SPMIP11: variants seen among roughly 807,000 people sequenced by gnomAD.
SPMIP11 encodes the protein sperm microtubule inner protein 11.
the SPMIP11 span, among the ~76,000 whole-genome samples, chr12:48,770,301 A>G: frequency 6.6e-6 from 1 of 152,158 alleles, no homozygotes; most frequent in Admixed American, 6.5e-5. Context: ...GACTTCTCAA[A>G]TAAGCCAGTA....
chr12:48,760,171 A>G, the SPMIP11 span, among the ~76,000 whole-genome samples: 1 of 151,454 alleles, frequency 6.6e-6, no homozygotes, highest in Non-Finnish European at 1.5e-5. Context: ...TTGATGTTTC[A>G]CCTTTTCTTT....
At chr12:48,768,661 C>T in the SPMIP11 span, 5 of 1,614,050 alleles carry the variant, frequency 3.1e-6, no homozygotes, top group African/African-American at 1.3e-5. Flanking sequence ...GACCACCCCT[C>T]GACACTCCAG....
chr12:48,764,555 C>T, the SPMIP11 span, among the ~76,000 whole-genome samples: 1 of 152,142 alleles, frequency 6.6e-6, no homozygotes, highest in African/African-American at 2.4e-5. Context: ...TTACACATTT[C>T]CCAAGTGGGT....
chr12:48,732,978 C>T, the SPMIP11 span, among the ~76,000 whole-genome samples: 5 of 131,750 alleles, frequency 3.8e-5, no homozygotes, highest in South Asian at 1.0e-3. Flanking sequence ...GAGCCGAGAC[C>T]GTGCCATTGC....
chr12:48,758,810 T>C, the SPMIP11 span, among the ~76,000 whole-genome samples: 1 of 152,206 alleles, frequency 6.6e-6, no homozygotes, highest in African/African-American at 2.4e-5. Context: ...CTCCTTCTTT[T>C]CCTCCAAGAC....
chr12:48,753,337 G>C, the SPMIP11 span, among the ~76,000 whole-genome samples: 1 of 152,170 alleles, frequency 6.6e-6, no homozygotes, highest in Non-Finnish European at 1.5e-5. Flanking sequence ...CCTCACTCCA[G>C]CTTATCCCAC....
the SPMIP11 span, among the ~76,000 whole-genome samples, chr12:48,758,796 C>A: frequency 2.6e-5 from 4 of 152,182 alleles, no homozygotes; most frequent in Non-Finnish European, 2.9e-5. Context: ...CTACTGTAAC[C>A]TACCTCCTTC....
chr12:48,763,415 T>A, the SPMIP11 span, among the ~76,000 whole-genome samples: 1 of 151,762 alleles, frequency 6.6e-6, no homozygotes, highest in Admixed American at 6.6e-5. Flanking sequence ...GCTGGAGTGA[T>A]CCATCTGCCT....
the SPMIP11 span, among the ~76,000 whole-genome samples, chr12:48,743,933 C>CAAAAAAAAAAAAA: frequency 3.2e-4 from 11 of 34,890 alleles, no homozygotes; most frequent in African/African-American, 1.1e-3. Context: ...GACTTCGTCT[C>CAAAAAAAAAAAAA]AAAAAAAAAA....
the SPMIP11 span, among the ~76,000 whole-genome samples, chr12:48,745,008 C>T: frequency 3.9e-5 from 6 of 152,220 alleles, no homozygotes; most frequent in African/African-American, 9.6e-5. Context: ...TGGTGGCTCA[C>T]GCCTGTAATC....
At chr12:48,737,113 C>A in the SPMIP11 span, among the ~76,000 whole-genome samples, 2 of 151,930 alleles carry the variant, frequency 1.3e-5, no homozygotes, top group African/African-American at 2.4e-5. Context: ...CCATGCCTGG[C>A]TAATTTTTTG....
the SPMIP11 span, among the ~76,000 whole-genome samples, chr12:48,733,765 T>C: frequency 4.0e-5 from 1 of 24,826 alleles, no homozygotes. Flanking sequence ...ATGCAGATTC[T>C]TTTTTTTTTT....
At chr12:48,754,519 C>T in the SPMIP11 span, among the ~76,000 whole-genome samples, 6 of 151,600 alleles carry the variant, frequency 4.0e-5, no homozygotes, top group South Asian at 4.2e-4. Flanking sequence ...GGTGTGATCT[C>T]GGCTCACTGC....
At chr12:48,754,525 A>G in the SPMIP11 span, among the ~76,000 whole-genome samples, 2 of 150,938 alleles carry the variant, frequency 1.3e-5, no homozygotes, top group African/African-American at 4.9e-5. Flanking sequence ...ATCTCGGCTC[A>G]CTGCAAGCTC....
the SPMIP11 span, chr12:48,768,061 G>A: frequency 5.6e-6 from 1 of 177,498 alleles, no homozygotes; most frequent in South Asian, 1.2e-4. Context: ...TGCATAGGAG[G>A]GACACCTGGC....
chr12:48,728,121 C>A, the SPMIP11 span, among the ~76,000 whole-genome samples: 3 of 152,002 alleles, frequency 2.0e-5, no homozygotes, highest in Non-Finnish European at 4.4e-5. Flanking sequence ...CTCATTTAAC[C>A]AACATTTGTT....
At chr12:48,766,707 G>A in the SPMIP11 span, 1 of 152,650 alleles carries the variant, frequency 6.6e-6, no homozygotes, top group East Asian at 1.9e-4. Flanking sequence ...GGGAGCTGGT[G>A]TCAGAAGGGG....
the SPMIP11 span, among the ~76,000 whole-genome samples, chr12:48,743,007 G>C: frequency 1.3e-5 from 2 of 152,160 alleles, no homozygotes; most frequent in South Asian, 4.1e-4. Context: ...CCAGCACTTT[G>C]GAGGCTGAGG....
the SPMIP11 span, among the ~76,000 whole-genome samples, chr12:48,738,762 G>C: frequency 1.3e-5 from 2 of 152,030 alleles, no homozygotes; most frequent in African/African-American, 2.4e-5. Context: ...TTATGACTTA[G>C]TCTCAGAAGT....
Sources: gnomAD v4.1 joint callset for allele counts (sites outside exome capture counted in the v4.1 genomes callset) on GRCh38, gnomAD v4.1.1 for gene constraint, MANE v1.5 for transcripts, NCBI Gene and HGNC (gene_info 2026-07-23, HGNC 2026-07-21) for gene names.